DENND6A: variants seen among roughly 807,000 people sequenced by gnomAD.
The protein encoded by DENND6A is protein DENND6A.
In DENND6A, 43 loss-of-function variants were observed where a neutral mutation model predicts 95.5. The observed-to-expected ratio is 0.45, with a 90% CI of 0.35 to 0.58. The LOEUF (loss-of-function observed/expected upper bound fraction) is 0.58, where lower values mean the gene tolerates loss of function less well. DENND6A is among the 20% of genes least tolerant of loss of function. DENND6A has a pLI of 0.00. For missense variants in DENND6A, 574 were observed against 736.0 expected (o/e 0.78, Z 2.55); for synonymous variants, 257 against 260.4 (o/e 0.99, Z 0.13).
At chr3:57,657,565 T>C in intron 9 of DENND6A, 115 bp downstream of exon 9, 1 of 665,028 alleles carries the variant, frequency 1.5e-6, no homozygotes, top group Middle Eastern at 3.4e-4. Flanking sequence ...ATGTAAAACA[T>C]AACTATTTTC....
chr3:57,631,576 G>C (rs2070675321), intron 15 of DENND6A, among the ~76,000 whole-genome samples: 1 of 152,250 alleles, frequency 6.6e-6, no homozygotes, highest in East Asian at 1.9e-4. Context: ...TTACATGCAT[G>C]ATCTCTTGTA....
At chr3:57,665,550 G>C (rs1046450583) in intron 4 of DENND6A, among the ~76,000 whole-genome samples, 9 of 152,052 alleles carry the variant, frequency 5.9e-5, no homozygotes, top group African/African-American at 2.2e-4. Flanking sequence ...CATTTCACAG[G>C]TAGTATCTCT....
In DENND6A at chr3:57,633,331, A is replaced by C; in HGVS notation, c.1287T>G (p.Ser429=). Residue 429 remains serine, a synonymous_variant, in exon 15 of 20, where the codon TCT becomes TCG. Coordinates refer to ENST00000311128, the MANE Select transcript of DENND6A (RefSeq NM_152678.3). ...GTCGAAGAATAACACTTTGAGCCTC[A>C]GAAGGACGTTTCTGTTGTACACCCT... is the stretch of plus-strand genomic sequence containing the variant. The part of the protein sequence containing the change: ...LQKGVQQKRP[S]EAQSVILRRY... 6.2e-7 allele frequency: 1 copy of C among 1,613,896 alleles called. No homozygotes were observed. Among genetic ancestry groups the C allele is most frequent in the Non-Finnish European group, 8.5e-7 (1 of 1,179,930 alleles).
intron 9 of DENND6A, chr3:57,654,866 A>G (rs1575839551): frequency 2.4e-6 from 2 of 851,052 alleles, no homozygotes. Flanking sequence ...ATAAATATGT[A>G]AACTTTCATT....
chr3:57,635,630 A>T (rs1180769442), intron 12 of DENND6A, among the ~76,000 whole-genome samples: 3 of 152,238 alleles, frequency 2.0e-5, no homozygotes, highest in Non-Finnish European at 4.4e-5. Flanking sequence ...TTAAATAGTT[A>T]CATAGATCAA....
chr3:57,663,703 T>C lies in DENND6A; in HGVS notation c.446A>G (p.Tyr149Cys), dbSNP rs1045444244. The change falls in exon 5 of 20, where the codon TAT (tyrosine) becomes TGT (cysteine). Residue 149 changes from tyrosine to cysteine, a missense_variant. By Grantham distance (194) the Tyr-to-Cys change is radical. This residue lies in a region of DENND6A where 452 missense variants were observed against 630.9 expected (regional missense o/e 0.72). Coordinates refer to ENST00000311128, the MANE Select transcript of DENND6A (RefSeq NM_152678.3). ...LPVYLKKDPA[Y>C]FYGYVYFRQV... is the part of the protein sequence containing the mutation. ...TCGGAAATACACATATCCATAAAAA[T>C]AAGCAGGATCCTTCTAAGAAGAAAG... 1.9e-6 allele frequency: 3 copies of C among 1,577,534 alleles called. No homozygotes were observed. Among genetic ancestry groups the C allele is most frequent in the Non-Finnish European group, 2.6e-6 (3 of 1,159,758 alleles).
intron 1 of DENND6A, among the ~76,000 whole-genome samples, chr3:57,681,528 GC>G (rs1427436481): frequency 6.6e-6 from 1 of 151,518 alleles, no homozygotes; most frequent in Non-Finnish European, 1.5e-5. Flanking sequence ...GGAGGCTGAG[GC>G]AGGAGGGTTG....
At chr3:57,641,111 T>C (rs1466510687) in intron 12 of DENND6A, among the ~76,000 whole-genome samples, 2 of 149,244 alleles carry the variant, frequency 1.3e-5, no homozygotes, top group African/African-American at 2.4e-5. Flanking sequence ...AGTTCTGTTT[T>C]ATTGGGCTTC....
chr3:57,634,702 AC>A lies in DENND6A; in HGVS notation c.1198+1del. 6.5e-7 allele frequency: 1 copy of A among 1,546,146 alleles called. No homozygotes were observed. The highest frequency in any genetic ancestry group is 1.9e-5 in the Admixed American group (1 of 52,508). On this transcript the variant is annotated splice_donor_variant, in intron 13 of 19. Transcript: ENST00000311128. LOFTEE classifies it high-confidence loss of function. ...TATTTAAAAATCAATAAAAGTCAATACCAGGTTTGGAATCCAGAGTCTTTAG... is the reference window on the plus strand; with the variant it reads ...TATTTAAAAATCAATAAAAGTCAATACAGGTTTGGAATCCAGAGTCTTTAG...
rs752922064 is a variant in DENND6A, at chr3:57,672,388, A to G, written c.276+12T>C. The G allele has an allele frequency of 6.2e-7, 1 of 1,613,024 alleles. No homozygotes were observed. On this transcript the variant is annotated intron_variant, in intron 2 of 19. Coordinates refer to ENST00000311128, the MANE Select transcript of DENND6A (RefSeq NM_152678.3). ...ATAACAGTAAACTATACAGAGCAGT[A>G]TTTTTACTTACTTCTCTGTCAGTAA...
At chr3:57,650,818 C>G (rs1279058298) in intron 9 of DENND6A, among the ~76,000 whole-genome samples, 1 of 141,020 alleles carries the variant, frequency 7.1e-6, no homozygotes, top group Non-Finnish European at 1.5e-5. Context: ...GAGTTTTGCT[C>G]TTGTTGCCCA....
chr3:57,681,817 G>C (rs1363843734), intron 1 of DENND6A, among the ~76,000 whole-genome samples: 1 of 152,120 alleles, frequency 6.6e-6, no homozygotes, highest in Non-Finnish European at 1.5e-5. Context: ...CATACAGACA[G>C]AAGCTTATTA....
intron 1 of DENND6A, among the ~76,000 whole-genome samples, chr3:57,676,024 G>A (rs970656151): frequency 6.6e-6 from 1 of 151,814 alleles, no homozygotes; most frequent in African/African-American, 2.4e-5. Flanking sequence ...AGCGAGCCAA[G>A]ATCATGCCAC....
intron 7 of DENND6A, 94 bp from the exon 8 acceptor site, chr3:57,659,274 C>T: frequency 7.5e-7 from 1 of 1,338,680 alleles, no homozygotes; most frequent in Non-Finnish European, 1.1e-6. Context: ...TCAGTAATGC[C>T]AAAAAAGCTA....
rs772235665 is a variant in DENND6A, at chr3:57,645,722, G to A, written c.976C>T (p.Arg326Ter). Residue 326 changes from arginine (R) to a stop codon, truncating the protein, a stop_gained, in exon 11 of 20, where the codon CGA becomes TGA. Transcript: ENST00000311128. LOFTEE classifies it high-confidence loss of function. The part of the protein sequence containing the change: ...ISPLKYFSDF[R>*]PYFTIHDSEF... ...CTATCATGAATAGTGAAATAAGGTC[G>A]GAAATCACTGAAGTACTTTAATGGA... The A allele has an allele frequency of 4.3e-6, 7 of 1,613,154 alleles. No homozygotes were observed. Among genetic ancestry groups the A allele is most frequent in the African/African-American group, 2.7e-5 (2 of 74,854 alleles).
intron 1 of DENND6A, among the ~76,000 whole-genome samples, chr3:57,680,707 T>C (rs1431475970): frequency 6.6e-6 from 1 of 151,874 alleles, no homozygotes; most frequent in East Asian, 1.9e-4. Flanking sequence ...AATATAACAA[T>C]AAAAAGACAA....
chr3:57,647,105 G>A (rs184503908), intron 9 of DENND6A, among the ~76,000 whole-genome samples: 1 of 152,048 alleles, frequency 6.6e-6, no homozygotes, highest in Non-Finnish European at 1.5e-5. Flanking sequence ...AGTAGATTAG[G>A]GGGGAAAATC....
chr3:57,654,776 A>G, intron 9 of DENND6A: 1 of 985,294 alleles, frequency 1.0e-6, no homozygotes, highest in Non-Finnish European at 1.2e-6. Context: ...TGCTACTCAA[A>G]TTCAAATGCC....
At position 57,627,910 on chromosome 3, in the gene DENND6A, A is replaced by G; in HGVS notation, c.*304T>C. ...AAAATATCTGCAATGCCAGCACTGC[A>G]GTATGAAATCACTAATACTGATGGC... is the stretch of plus-strand genomic sequence containing the variant. On this transcript the variant is annotated 3_prime_UTR_variant, in exon 20 of 20. Coordinates refer to ENST00000311128, the MANE Select transcript of DENND6A (RefSeq NM_152678.3). 1 of 224,992 alleles carries G rather than the reference A, an allele frequency of 4.4e-6. No homozygotes were observed. Among genetic ancestry groups the G allele is most frequent in the Non-Finnish European group, 8.8e-6 (1 of 113,696 alleles). 13.9% of individuals were successfully genotyped at this position (224,992 alleles called of 1,614,324 possible). A position where few individuals can be genotyped will look rare whatever the true frequency, so the allele number is the denominator to read the frequency against.
Sources: allele counts gnomAD v4.1 joint callset (sites outside exome capture counted in the v4.1 genomes callset), GRCh38; gene constraint gnomAD v4.1.1; regional missense constraint gnomAD v4.1.1; transcripts MANE v1.5; gene names NCBI Gene and HGNC (gene_info 2026-07-23, HGNC 2026-07-21).